The following PKNOX2 variants were observed in gnomAD, a reference collection of about 807,000 sequenced individuals.
The protein encoded by PKNOX2 is homeobox protein PKNOX2.
PKNOX2 carries 14 observed loss-of-function variants against 53.1 expected under a neutral mutation model. That is an observed-to-expected ratio of 0.26 (90% CI 0.17 to 0.41). The LOEUF is 0.41. Among genes scored for constraint, PKNOX2 ranks in the 10% least tolerant of loss-of-function variants. The pLI, the probability that PKNOX2 is intolerant of heterozygous loss-of-function variation, is 1.00. For missense variants in PKNOX2, 496 were observed against 602.8 expected, an observed-to-expected ratio of 0.82 and a Z score of 1.85; for synonymous variants, 257 against 242.8, an observed-to-expected ratio of 1.06 and a Z score of -0.54.
chr11:125,182,224 C>G (rs1307887664), intron 1 of PKNOX2, among the ~76,000 whole-genome samples: 2 of 152,322 alleles, frequency 1.3e-5, no homozygotes, highest in South Asian at 2.1e-4. Flanking sequence ...GTGGTCCCCC[C>G]AGTCCCAGCT....
intron 10 of PKNOX2, among the ~76,000 whole-genome samples, chr11:125,418,938 T>C (rs1956029270): frequency 6.6e-6 from 1 of 151,988 alleles, no homozygotes. Context: ...GTTTGTAGGT[T>C]ATATGCAAAT....
intron 1 of PKNOX2, among the ~76,000 whole-genome samples, chr11:125,178,569 G>GGAAGGAAGGAAAGAAA (rs1565462242): frequency 6.5e-5 from 3 of 46,334 alleles, no homozygotes; most frequent in African/African-American, 4.6e-4. Flanking sequence ...AAGGAACGAA[G>GGAAGGAAGGAAAGAAA]GAAGGAAGGA....
intron 1 of PKNOX2, among the ~76,000 whole-genome samples, chr11:125,218,183 A>T (rs1011217895): frequency 2.6e-5 from 4 of 151,866 alleles, no homozygotes; most frequent in Admixed American, 2.6e-4. Context: ...AACAAACAGG[A>T]TGAAAGGGGG....
intron 3 of PKNOX2, among the ~76,000 whole-genome samples, chr11:125,350,620 C>CAAAAGTACAG (rs1951247179): frequency 3.3e-5 from 5 of 152,170 alleles, no homozygotes; most frequent in Admixed American, 6.5e-5. Context: ...GTCACAAGCC[C>CAAAAGTACAG]GAGTCTGGGA....
intron 1 of PKNOX2, among the ~76,000 whole-genome samples, chr11:125,172,169 G>C (rs1183715198): frequency 3.3e-5 from 5 of 152,208 alleles, no homozygotes; most frequent in African/African-American, 1.2e-4. Context: ...AGAAGGAGGA[G>C]CTTAGCCCCC....
chr11:125,267,731 T>C (rs12275010), intron 2 of PKNOX2, among the ~76,000 whole-genome samples: 59,597 of 151,972 alleles, frequency 0.39, 13,597 homozygotes, highest in East Asian at 0.71. Context: ...TGTGTGTGCA[T>C]GTGTTGTGCA....
intron 4 of PKNOX2, among the ~76,000 whole-genome samples, chr11:125,367,560 G>T (rs998943383): frequency 6.6e-6 from 1 of 152,142 alleles, no homozygotes; most frequent in African/African-American, 2.4e-5. Flanking sequence ...TCTGGGCAAG[G>T]GTTACCATAT....
chr11:125,402,998 C>T (rs1173872642), intron 7 of PKNOX2, among the ~76,000 whole-genome samples: 1 of 152,128 alleles, frequency 6.6e-6, no homozygotes, highest in Non-Finnish European at 1.5e-5. Context: ...TTCAGGCAGG[C>T]TTGGTGAGAG....
intron 5 of PKNOX2, among the ~76,000 whole-genome samples, chr11:125,371,282 AG>A (rs1427036877): frequency 6.6e-6 from 1 of 152,016 alleles, no homozygotes. Context: ...CAGCACTGAG[AG>A]GGGGTCCAAA....
chr11:125,271,854 T>C (rs947835529), intron 2 of PKNOX2, among the ~76,000 whole-genome samples: 1 of 152,214 alleles, frequency 6.6e-6, no homozygotes, highest in African/African-American at 2.4e-5. Context: ...TTTGGAGCCA[T>C]TGATGAGCCA....
intron 5 of PKNOX2, among the ~76,000 whole-genome samples, chr11:125,371,268 GGAGCAGCACT>G (rs1167361072): frequency 1.3e-5 from 2 of 152,134 alleles, no homozygotes; most frequent in Non-Finnish European, 2.9e-5. Context: ...TTGTGGCCCA[GGAGCAGCACT>G]GAGAGGGGGT....
At chr11:125,410,731 C>T (rs765845217) in intron 8 of PKNOX2, 48 bp from the exon 9 acceptor site, 3 of 1,447,796 alleles carry the variant, frequency 2.1e-6, no homozygotes, top group Non-Finnish European at 2.9e-6. Flanking sequence ...TGCCCTCGCT[C>T]CTACCCACTC....
intron 10 of PKNOX2, among the ~76,000 whole-genome samples, chr11:125,427,926 A>G (rs746215852): frequency 1.3e-5 from 2 of 151,476 alleles, no homozygotes; most frequent in African/African-American, 2.4e-5. Context: ...CTCCCTCCCA[A>G]TGGGGTCACG....
At chr11:125,279,452 A>G (rs1946405026) in intron 2 of PKNOX2, among the ~76,000 whole-genome samples, 1 of 152,228 alleles carries the variant, frequency 6.6e-6, no homozygotes, top group South Asian at 2.1e-4. Flanking sequence ...ATGTCAGATG[A>G]GGAAAATGAG....
intron 1 of PKNOX2, among the ~76,000 whole-genome samples, chr11:125,204,600 C>T (rs1486113222): frequency 1.3e-5 from 2 of 152,184 alleles, no homozygotes; most frequent in South Asian, 2.1e-4. Context: ...CTGGGGAAGT[C>T]GATGGCTCTA....
chr11:125,358,731 G>A (rs1241149618), intron 4 of PKNOX2, among the ~76,000 whole-genome samples: 3 of 152,188 alleles, frequency 2.0e-5, no homozygotes, highest in Admixed American at 1.3e-4. Context: ...CTGGGTTGGG[G>A]AATATTTTGA....
chr11:125,312,055 T>C (rs118103303), intron 2 of PKNOX2, among the ~76,000 whole-genome samples: 1,633 of 152,270 alleles, frequency 0.011, 13 homozygotes, highest in African/African-American at 0.028. Flanking sequence ...GCACTTTAGA[T>C]TGGGCAAGTC....
Position 125,370,285 on chromosome 11 carries a change from C to T in PKNOX2, c.227+2300C>T, listed in dbSNP as rs1476584373. On this transcript the variant is annotated intron_variant, in intron 5 of 12. Coordinates refer to ENST00000298282, the MANE Select transcript of PKNOX2 (RefSeq NM_001382323.2). The surrounding 1 kb of genome is among the most constrained non-coding windows in gnomAD (Gnocchi z 4.1). ...GCACCAAACAGAGGGTTTACTCTGT[C>T]CCACCAATGGGAACCATGGGTTCCA... Among the ~76,000 whole-genome samples the T allele has an allele frequency of 6.6e-6, 1 of 152,186 alleles. No individual in the cohort carries two copies. Among genetic ancestry groups the T allele is most frequent in the Admixed American group, 6.5e-5 (1 of 15,286 alleles).
chr11:125,323,335 A>G (rs773171583), intron 2 of PKNOX2, among the ~76,000 whole-genome samples: 2 of 152,168 alleles, frequency 1.3e-5, no homozygotes, highest in African/African-American at 2.4e-5. Context: ...AATGCTTTTT[A>G]CCATGCCTTC....
Sources: gnomAD v4.1 joint callset for allele counts (sites outside exome capture counted in the v4.1 genomes callset) on GRCh38, gnomAD v4.1.1 for gene constraint, Gnocchi (gnomAD v3.1) non-coding constraint, MANE v1.5 for transcripts, NCBI Gene and HGNC (gene_info 2026-07-23, HGNC 2026-07-21) for gene names.